REEP1: variants seen among roughly 807,000 people sequenced by gnomAD.
The protein encoded by REEP1 is receptor accessory protein 1, also known as receptor expression-enhancing protein 1.
In REEP1, 22 loss-of-function variants were observed where a neutral mutation model predicts 40.3. That is an observed-to-expected ratio of 0.55 (90% confidence interval 0.39 to 0.78). The LOEUF is 0.78. Ranked by LOEUF, REEP1 falls within the 30% of genes least tolerant of loss-of-function variation. The pLI is 0.00. For synonymous variants in REEP1, 116 were observed against 139.2 expected (o/e 0.83, Z 1.17); for missense variants, 280 against 361.1 (o/e 0.78, Z 1.82).
chr2:86,237,950 G>A (rs1458310416), intron 5 of REEP1, among the ~76,000 whole-genome samples: 2 of 152,186 alleles, frequency 1.3e-5, no homozygotes, highest in East Asian at 1.9e-4. Context: ...GGAAGGCCAA[G>A]GTGAGTGGAT....
chr2:86,322,261 C>A (rs1195855943), intron 1 of REEP1, among the ~76,000 whole-genome samples: 1 of 152,150 alleles, frequency 6.6e-6, no homozygotes, highest in Non-Finnish European at 1.5e-5. Flanking sequence ...ACATCAATAT[C>A]AGCCAGGCAT....
chr2:86,330,136 G>A (rs575739504), intron 1 of REEP1, among the ~76,000 whole-genome samples: 1 of 152,322 alleles, frequency 6.6e-6, no homozygotes, highest in Non-Finnish European at 1.5e-5. Context: ...AAAGGGAAGT[G>A]AGAAAGATAT....
At chr2:86,286,374 C>G (rs1678400765) in intron 1 of REEP1, among the ~76,000 whole-genome samples, 1 of 152,178 alleles carries the variant, frequency 6.6e-6, no homozygotes, top group African/African-American at 2.4e-5. Context: ...AACATCCTAT[C>G]ATGCACAGGA....
chr2:86,329,970 T>C lies in REEP1; in HGVS notation c.32+7509A>G, dbSNP rs189244147. On this transcript the variant is annotated intron_variant, in intron 1 of 8. Coordinates refer to ENST00000538924, the MANE Select transcript of REEP1 (RefSeq NM_001371279.1). ...GTTAGGGGACCTAGGAGAGGCTTCA[T>C]GGAGAAAGGTAGAGACATGTATGGA... is the stretch of plus-strand genomic sequence containing the variant. 8.5e-5 allele frequency among the ~76,000 whole-genome samples: 13 copies of C among 152,266 alleles called. No homozygotes were observed. The East Asian group carries it at 2.5e-3, about 29-fold the overall frequency.
intron 1 of REEP1, among the ~76,000 whole-genome samples, chr2:86,327,452 A>G (rs1680561431): frequency 2.0e-5 from 3 of 152,242 alleles, no homozygotes; most frequent in African/African-American, 4.8e-5. Context: ...GTAAGGTCAG[A>G]GCGTGGGCAG....
chr2:86,287,484 A>C lies in REEP1; in HGVS notation c.33-5242T>G, dbSNP rs540697819. 2.6e-4 allele frequency among the ~76,000 whole-genome samples: 39 copies of C among 152,368 alleles called. 1 individual carries two copies. The highest frequency in any genetic ancestry group is 9.4e-4 in the African/African-American group (39 of 41,590). On this transcript the variant is annotated intron_variant, in intron 1 of 8. Transcript: ENST00000538924. The stretch of plus-strand genomic sequence containing the variant: ...AGGCACAGTGTTTCATCTGAGCATT[A>C]AAATGTATTAAAATTTACACTATGT...
intron 5 of REEP1, among the ~76,000 whole-genome samples, chr2:86,246,901 A>G (rs905702282): frequency 6.6e-6 from 1 of 151,964 alleles, no homozygotes; most frequent in African/African-American, 2.4e-5. Context: ...GGGTTTCTCC[A>G]TGTTGGTCAG....
intron 1 of REEP1, among the ~76,000 whole-genome samples, chr2:86,287,097 AT>A (rs559163445): frequency 1.1e-3 from 168 of 151,488 alleles, no homozygotes; most frequent in African/African-American, 3.6e-3. Flanking sequence ...TTATTTCATA[AT>A]TTTTTTTTGA....
At chr2:86,338,011 A>ATAAAGGGTT, upstream of REEP1, 1 of 1,536,676 alleles carries the variant, frequency 6.5e-7, no homozygotes. Flanking sequence ...CGTTAGCCTC[A>ATAAAGGGTT]TAAAGGGTTT....
intron 1 of REEP1, among the ~76,000 whole-genome samples, chr2:86,331,826 C>T (rs1680779602): frequency 6.6e-6 from 1 of 152,164 alleles, no homozygotes; most frequent in African/African-American, 2.4e-5. Context: ...ACTGAACCAA[C>T]CCATGTGCCC....
At position 86,215,001 on chromosome 2, in the gene REEP1, A is replaced by AAAT. The variant is rs1187102992; in HGVS notation, c.*2037_*2038insATT. On this transcript the variant is annotated 3_prime_UTR_variant, in exon 9 of 9. Transcript: ENST00000538924. ...TTTATTGTTTCGGCAAAAAAAAAAA[A>AAAT]ATTGCTAAGAAGCTGTGTAAGCTTT... 1 of 150,984 alleles carries AAAT rather than the reference A, an allele frequency of 6.6e-6. No individual in the cohort carries two copies. Among genetic ancestry groups the AAAT allele is most frequent in the Non-Finnish European group, 1.5e-5 (1 of 67,590 alleles). The allele number at this position is 150,984 out of a possible 1,614,324, so 9.4% of individuals were successfully genotyped here. A position where few individuals can be genotyped will look rare whatever the true frequency, so the allele number is the denominator to read the frequency against.
chr2:86,326,450 C>T (rs1003184189), intron 1 of REEP1, among the ~76,000 whole-genome samples: 3 of 152,164 alleles, frequency 2.0e-5, no homozygotes, highest in East Asian at 1.9e-4. Context: ...TGGTGGCTCA[C>T]GCCTGTAATC....
At chr2:86,286,103 AT>A (rs1455879103) in intron 1 of REEP1, among the ~76,000 whole-genome samples, 1 of 151,918 alleles carries the variant, frequency 6.6e-6, no homozygotes, top group Non-Finnish European at 1.5e-5. Flanking sequence ...TGCCTGCAGC[AT>A]TTCCCTTATC....
At chr2:86,303,995 G>A (rs1044968313) in intron 1 of REEP1, among the ~76,000 whole-genome samples, 13 of 152,132 alleles carry the variant, frequency 8.5e-5, no homozygotes, top group African/African-American at 9.7e-5. Context: ...ATATGAAGCC[G>A]ACCTACTAGC....
intron 7 of REEP1, among the ~76,000 whole-genome samples, chr2:86,226,180 T>C (rs1045891093): frequency 6.7e-6 from 1 of 148,970 alleles, no homozygotes; most frequent in African/African-American, 2.4e-5. Flanking sequence ...CCCAGGATTA[T>C]TATGGCCCTT....
At chr2:86,280,529 T>C (rs1240712418) in intron 2 of REEP1, among the ~76,000 whole-genome samples, 1 of 152,200 alleles carries the variant, frequency 6.6e-6, no homozygotes, top group African/African-American at 2.4e-5. Context: ...CTGGCACAGA[T>C]TGCAGGCGGG....
chr2:86,288,751 C>T (rs996471931), intron 1 of REEP1, among the ~76,000 whole-genome samples: 1 of 152,118 alleles, frequency 6.6e-6, no homozygotes, highest in African/African-American at 2.4e-5. Context: ...TTTAATACTC[C>T]CCATTCTTGC....
chr2:86,307,375 C>T (rs909870063), intron 1 of REEP1, among the ~76,000 whole-genome samples: 15 of 152,124 alleles, frequency 9.9e-5, no homozygotes, highest in African/African-American at 3.4e-4. Context: ...CTTACATTTC[C>T]TTTATTTATT....
intron 5 of REEP1, among the ~76,000 whole-genome samples, chr2:86,243,799 C>T (rs1012104044): frequency 1.3e-5 from 2 of 152,198 alleles, no homozygotes; most frequent in Non-Finnish European, 2.9e-5. Context: ...TAAATATTAA[C>T]TTCATGTCAC....
Sources: gnomAD v4.1 joint callset for allele counts (sites outside exome capture counted in the v4.1 genomes callset) on GRCh38, gnomAD v4.1.1 for gene constraint, MANE v1.5 for transcripts, NCBI Gene and HGNC (gene_info 2026-07-23, HGNC 2026-07-21) for gene names.